FAM20C: variants seen among roughly 807,000 people sequenced by gnomAD.
FAM20C encodes FAM20C golgi associated secretory pathway kinase.
FAM20C carries 40 observed loss-of-function variants against 51.5 expected under a neutral mutation model. That is an observed-to-expected ratio of 0.78 (90% CI 0.60 to 1.01). The LOEUF is 1.01. FAM20C is among the 50% of genes least tolerant of loss of function. The pLI, the probability that FAM20C is intolerant of heterozygous loss-of-function variation, is 0.00. For synonymous variants in FAM20C, 406 were observed against 380.6 expected, an observed-to-expected ratio of 1.07 and a Z score of -0.78; for missense variants, 861 against 844.7, an observed-to-expected ratio of 1.02 and a Z score of -0.24.
chr7:257,838 G>GCAGT (rs1788660039), intron 8 of FAM20C, among the ~76,000 whole-genome samples: 3 of 124,296 alleles, frequency 2.4e-5, no homozygotes, highest in African/African-American at 9.8e-5. Flanking sequence ...AGATGGGCAG[G>GCAGT]GTGGACCCAC....
At chr7:228,648 C>T (rs976895500) in intron 3 of FAM20C, 6 of 456,160 alleles carry the variant, frequency 1.3e-5, no homozygotes, top group Non-Finnish European at 2.6e-5. Context: ...ACAAGAAGCT[C>T]AGGTTTGGAC....
intron 3 of FAM20C, among the ~76,000 whole-genome samples, chr7:212,306 T>C (rs187820013): frequency 6.6e-6 from 1 of 152,150 alleles, no homozygotes; most frequent in East Asian, 1.9e-4. Context: ...CTACTAAAAA[T>C]ATAAAAATTA....
In FAM20C at chr7:193,545, C is replaced by G; in HGVS notation, c.346C>G (p.Pro116Ala). Residue 116 changes from proline to alanine, a missense_variant, in exon 1 of 10, where the codon CCG (proline) becomes GCG (alanine). Pro to Ala is a conservative substitution (Grantham distance 27, BLOSUM62 -1). This residue lies in a region of FAM20C where 561 missense variants were observed against 499.8 expected (regional missense o/e 1.12). Coordinates refer to ENST00000313766, the MANE Select transcript of FAM20C (RefSeq NM_020223.4). ...GGAGAAACTGCCGCCCGCGGCCGAG[C>G]CGGCCGAGCGCGCCTTGCGGGGGCG... ...SLEKLPPAAEPAERALRGRDP... is the reference protein window; with the variant it reads ...SLEKLPPAAEAAERALRGRDP... 6.7e-7 allele frequency: 1 copy of G among 1,495,220 alleles called. No individual in the cohort carries two copies. The highest frequency in any genetic ancestry group is 1.5e-5 in the African/African-American group (1 of 68,732). 92.6% of individuals were successfully genotyped at this position (1,495,220 alleles called of 1,614,324 possible).
intron 3 of FAM20C, among the ~76,000 whole-genome samples, chr7:245,134 C>A (rs918204299): frequency 6.6e-6 from 1 of 152,144 alleles, no homozygotes; most frequent in Admixed American, 6.5e-5. Flanking sequence ...ACCTCCGCTG[C>A]GTATATGGAA....
chr7:256,760 A>G lies in FAM20C; in HGVS notation c.1360A>G (p.Met454Val), dbSNP rs1788606256. The change falls in exon 7 of 10, where the codon ATG becomes GTG. Residue 454 changes from methionine to valine, a missense_variant. Around this residue, in one of 3 missense-constraint regions of FAM20C, gnomAD observed 269 missense variants for 283.8 expected, o/e 0.95. Transcript: ENST00000313766. Reference sequence around the variant, plus strand: ...GGACATGACGATCTTCGACTTCCTCATGGGTACGTCCCGCAGGGGCACGGG... The same window carrying G: ...GGACATGACGATCTTCGACTTCCTCGTGGGTACGTCCCGCAGGGGCACGGG... ...VMDMTIFDFLMGNMDRHHYET... is the reference protein window; with the variant it reads ...VMDMTIFDFLVGNMDRHHYET... 2.0e-6 allele frequency: 3 copies of G among 1,535,818 alleles called. No individual in the cohort carries two copies. The highest frequency in any genetic ancestry group is 2.7e-5 in the African/African-American group (2 of 73,042).
At chr7:216,509 G>T (rs1314760747) in intron 3 of FAM20C, among the ~76,000 whole-genome samples, 1 of 151,870 alleles carries the variant, frequency 6.6e-6, no homozygotes, top group Non-Finnish European at 1.5e-5. Context: ...ATCTCACTGA[G>T]GAAAGGCCAG....
intron 3 of FAM20C, among the ~76,000 whole-genome samples, chr7:229,992 G>A (rs1377481634): frequency 2.9e-4 from 44 of 152,150 alleles, no homozygotes; most frequent in Admixed American, 2.8e-3. Flanking sequence ...GATGGGGTAG[G>A]GGGATGGGGA....
chr7:248,169 G>C, intron 4 of FAM20C, 146 bp from the exon 5 acceptor site: 1 of 533,702 alleles, frequency 1.9e-6, no homozygotes, highest in Non-Finnish European at 3.4e-6. Context: ...CCTAGGGCTG[G>C]GTTTATTCGG....
At chr7:219,527 G>A (rs1285943415) in intron 3 of FAM20C, among the ~76,000 whole-genome samples, 13 of 152,288 alleles carry the variant, frequency 8.5e-5, no homozygotes, top group East Asian at 7.7e-4. Flanking sequence ...CTTCGAATCC[G>A]GTACCTGAAG....
At chr7:254,798 C>A (rs1788526595) in intron 5 of FAM20C, among the ~76,000 whole-genome samples, 4 of 152,250 alleles carry the variant, frequency 2.6e-5, no homozygotes, top group Non-Finnish European at 5.9e-5. Flanking sequence ...GTCCCACCCC[C>A]AGTCTATCTG....
At chr7:241,606 C>T (rs3935501) in intron 3 of FAM20C, among the ~76,000 whole-genome samples, 1 of 150,666 alleles carries the variant, frequency 6.6e-6, no homozygotes, top group African/African-American at 2.4e-5. Context: ...GCATATATGT[C>T]CATGCACACG....
At chr7:230,286 G>A (rs1387943937) in intron 3 of FAM20C, among the ~76,000 whole-genome samples, 20 of 148,342 alleles carry the variant, frequency 1.3e-4, no homozygotes, top group Admixed American at 1.3e-3. Context: ...AGCTGGGAGA[G>A]GCAAGAAGGA....
chr7:213,249 T>C (rs1007329073), intron 3 of FAM20C, among the ~76,000 whole-genome samples: 1 of 151,246 alleles, frequency 6.6e-6, no homozygotes, highest in African/African-American at 2.4e-5. Flanking sequence ...TGTGGAGTTG[T>C]GCAGTGTGTA....
chr7:226,639 C>G (rs975045437), intron 3 of FAM20C, among the ~76,000 whole-genome samples: 27 of 152,318 alleles, frequency 1.8e-4, no homozygotes, highest in Non-Finnish European at 2.9e-4. Context: ...CTCCACCCCA[C>G]TGCCCACGAC....
chr7:226,375 C>T (rs980620945), intron 3 of FAM20C, among the ~76,000 whole-genome samples: 4 of 152,284 alleles, frequency 2.6e-5, no homozygotes, highest in African/African-American at 4.8e-5. Flanking sequence ...ACGTTAACAG[C>T]GTGTCTCCTG....
chr7:256,808 G>A lies in FAM20C; in HGVS notation c.1363+45G>A, dbSNP rs554308252. 9.9e-6 allele frequency: 15 copies of A among 1,513,206 alleles called. No homozygotes were observed. In the African/African-American group the frequency reaches 1.1e-4, roughly 11 times the overall value. 93.7% of individuals were successfully genotyped at this position (1,513,206 alleles called of 1,614,324 possible). A position where few individuals can be genotyped will look rare whatever the true frequency, so the allele number is the denominator to read the frequency against. ...GGGGTCCCCGTGTCACTCGCCTTGCGTGGAGCGGATGCACGCAGGGCTCTG... is the reference window on the plus strand; with the variant it reads ...GGGGTCCCCGTGTCACTCGCCTTGCATGGAGCGGATGCACGCAGGGCTCTG... On this transcript the variant is annotated intron_variant, in intron 7 of 9. Transcript: ENST00000313766.
chr7:202,269 G>A (rs1034528809), intron 2 of FAM20C, among the ~76,000 whole-genome samples: 1 of 151,390 alleles, frequency 6.6e-6, no homozygotes, highest in African/African-American at 2.4e-5. Flanking sequence ...AGAGAGGACA[G>A]GTGGCTGCTG....
intron 3 of FAM20C, among the ~76,000 whole-genome samples, chr7:215,055 A>C (rs1011968240): frequency 6.6e-6 from 1 of 151,708 alleles, no homozygotes; most frequent in African/African-American, 2.4e-5. Context: ...TCGTCACTAC[A>C]CTCTCCTATG....
At chr7:257,149 C>T (rs1788619924) in intron 8 of FAM20C, 63 bp downstream of exon 8, 2 of 1,448,374 alleles carry the variant, frequency 1.4e-6, no homozygotes, top group African/African-American at 1.4e-5. Flanking sequence ...CTACCTGCAG[C>T]CCACCTGAGA....
Sources: gnomAD v4.1 joint callset for allele counts (sites outside exome capture counted in the v4.1 genomes callset) on GRCh38, gnomAD v4.1.1 for gene constraint, gnomAD v4.1.1 regional missense constraint, MANE v1.5 for transcripts, NCBI Gene and HGNC (gene_info 2026-07-23, HGNC 2026-07-21) for gene names.